The following BCAS3 variants were observed in gnomAD, a reference collection of about 807,000 sequenced individuals.
BCAS3 encodes the protein BCAS4/BCAS3 fusion.
In BCAS3, 53 loss-of-function variants were observed where a neutral mutation model predicts 116.1. The observed-to-expected ratio is 0.46, with a 90% CI of 0.37 to 0.57. BCAS3 has a LOEUF of 0.57. Ranked by LOEUF, BCAS3 falls within the 20% of genes least tolerant of loss-of-function variation. BCAS3 has a pLI of 0.00. For synonymous variants in BCAS3, 391 were observed against 408.2 expected, an observed-to-expected ratio of 0.96 and a Z score of 0.51; for missense variants, 917 against 1,165.4, an observed-to-expected ratio of 0.79 and a Z score of 3.10.
At chr17:61,042,891 C>CAAAAAAAAAAAAAAAAAAA (rs35629825) in intron 19 of BCAS3, among the ~76,000 whole-genome samples, 29 of 58,288 alleles carry the variant, frequency 5.0e-4, no homozygotes, top group African/African-American at 1.5e-3. Flanking sequence ...CTCCATCTCA[C>CAAAAAAAAAAAAAAAAAAA]AAAAAAAAAA....
chr17:61,203,849 C>T lies in BCAS3; in HGVS notation c.2425+119285C>T, dbSNP rs1156351626. 6.6e-6 allele frequency among the ~76,000 whole-genome samples: 1 copy of T among 152,142 alleles called. No individual in the cohort carries two copies. Among genetic ancestry groups the T allele is most frequent in the Admixed American group, 6.5e-5 (1 of 15,278 alleles). ...TCAGTTGGGACAGTCAGCACTGCCC[C>T]TGCCCCAGAGCTAATTAACTGCATT... On this transcript the variant is annotated intron_variant, in intron 22 of 23. Transcript: ENST00000407086. The surrounding 1 kb of genome is among the most constrained non-coding windows in gnomAD (Gnocchi z 5.7).
intron 21 of BCAS3, among the ~76,000 whole-genome samples, chr17:61,079,750 C>A (rs529128441): frequency 6.6e-6 from 1 of 151,960 alleles, no homozygotes; most frequent in Admixed American, 6.6e-5. Flanking sequence ...CGCCCGCCAC[C>A]AGACCCAGCT....
chr17:60,941,003 C>G (rs905458652), intron 13 of BCAS3, among the ~76,000 whole-genome samples: 1 of 152,162 alleles, frequency 6.6e-6, no homozygotes, highest in Admixed American at 6.5e-5. Context: ...GACTTATGTT[C>G]GTGTGAGGCC....
chr17:61,127,801 G>A (rs1356321901), intron 22 of BCAS3, among the ~76,000 whole-genome samples: 1 of 150,052 alleles, frequency 6.7e-6, no homozygotes, highest in Non-Finnish European at 1.5e-5. Flanking sequence ...TGTTTTTGGG[G>A]GAGTGGAATA....
At chr17:61,174,533 A>G (rs1234923631) in intron 22 of BCAS3, among the ~76,000 whole-genome samples, 2 of 152,166 alleles carry the variant, frequency 1.3e-5, no homozygotes, top group African/African-American at 4.8e-5. Context: ...CATTGTGCAT[A>G]TGTACCACAT....
rs66627370 is a variant in BCAS3 at position 61,333,625 on chromosome 17, CTTTT to C, written c.2426-34692_2426-34689del. 7.0e-6 allele frequency among the ~76,000 whole-genome samples: 1 copy of C among 142,538 alleles called. No homozygotes were observed. The highest frequency in any genetic ancestry group is 1.5e-5 in the Non-Finnish European group (1 of 65,376). 93.5% of individuals were successfully genotyped at this position (142,538 alleles called of 152,430 possible). ...AGTTCTTGAAACTTTCTTTTTTTTT[CTTTT>C]TTTTTTTTTGAGACAGAGTCTCGCT... is the stretch of plus-strand genomic sequence containing the variant. On this transcript the variant is annotated intron_variant, in intron 22 of 23. Coordinates refer to ENST00000407086, the MANE Select transcript of BCAS3 (RefSeq NM_017679.5). This position sits in a 1 kb window ranked among gnomAD's most constrained non-coding sequence, Gnocchi z 4.8.
Position 61,214,929 on chromosome 17 carries a change from A to G in BCAS3, c.2425+130365A>G, listed in dbSNP as rs755022633. Among the ~76,000 whole-genome samples, 47 of 152,170 alleles carry G rather than the reference A, an allele frequency of 3.1e-4. 1 individual carries two copies. The highest frequency in any genetic ancestry group is 8.5e-4 in the Admixed American group (13 of 15,284). ...TCACTGCAGAAAATTTACCACTTGC[A>G]TGTACTTACTGCATTGGTTTACCCT... On this transcript the variant is annotated intron_variant, in intron 22 of 23. Coordinates refer to ENST00000407086, the MANE Select transcript of BCAS3 (RefSeq NM_017679.5). The surrounding 1 kb of genome is among the most constrained non-coding windows in gnomAD (Gnocchi z 4.4).
rs1296249754 is a variant in BCAS3 at position 61,379,526 on chromosome 17, C to A, written c.2593+11032C>A. The A allele has an allele frequency of 1.3e-5, 2 of 152,176 alleles. No individual in the cohort carries two copies. Among genetic ancestry groups the A allele is most frequent in the Admixed American group, 6.5e-5 (1 of 15,288 alleles). 9.4% of individuals were successfully genotyped at this position (152,176 alleles called of 1,614,324 possible). A position where few individuals can be genotyped will look rare whatever the true frequency, so the allele number is the denominator to read the frequency against. On this transcript the variant is annotated intron_variant, in intron 23 of 23. Transcript: ENST00000407086. This position sits in a 1 kb window ranked among gnomAD's most constrained non-coding sequence, Gnocchi z 5.5. ...GAACTTAACGGAGAAGTGAAGTTCC[C>A]TAGTAGAAGAAGGCATTTTGGAGCC...
chr17:60,871,236 C>T (rs2055069552), intron 8 of BCAS3, among the ~76,000 whole-genome samples: 2 of 152,180 alleles, frequency 1.3e-5, no homozygotes, highest in Admixed American at 1.3e-4. Flanking sequence ...ACCATCACGG[C>T]TCACTGCATC....
At chr17:60,845,785 CTT>C (rs199827244) in intron 7 of BCAS3, among the ~76,000 whole-genome samples, 2,505 of 144,834 alleles carry the variant, frequency 0.017, 63 homozygotes, top group East Asian at 0.091. Flanking sequence ...TTTCTTTTTC[CTT>C]TTTTTTTTTT....
At chr17:60,747,646 T>G (rs1447766835) in intron 6 of BCAS3, among the ~76,000 whole-genome samples, 2 of 152,148 alleles carry the variant, frequency 1.3e-5, no homozygotes, top group Non-Finnish European at 2.9e-5. Flanking sequence ...GTTTCTGGCT[T>G]AGCTTTCTTC....
intron 21 of BCAS3, among the ~76,000 whole-genome samples, chr17:61,081,429 C>T (rs564924808): frequency 6.6e-6 from 1 of 152,230 alleles, no homozygotes; most frequent in South Asian, 2.1e-4. Context: ...GAATTTTCCT[C>T]GCAGACTTTC....
At chr17:61,035,582 CAAAAAAA>C in intron 17 of BCAS3, among the ~76,000 whole-genome samples, 1 of 65,310 alleles carries the variant, frequency 1.5e-5, no homozygotes, top group Non-Finnish European at 3.3e-5. Flanking sequence ...GACTCCATCT[CAAAAAAA>C]AAAAAAAAAA....
At chr17:60,794,043 T>C (rs888895196) in intron 6 of BCAS3, among the ~76,000 whole-genome samples, 32 of 152,318 alleles carry the variant, frequency 2.1e-4, no homozygotes, top group African/African-American at 7.7e-4. Context: ...AAGTGTTCCC[T>C]GATCGCCGCA....
rs1443179506 is a variant in BCAS3 at position 61,261,480 on chromosome 17, T to C, written c.2426-106847T>C. On this transcript the variant is annotated intron_variant, in intron 22 of 23. Transcript: ENST00000407086. This position sits in a 1 kb window ranked among gnomAD's most constrained non-coding sequence, Gnocchi z 4.4. ...TTTCCAGATTGTGTGGGCCACACTGTAGCATTTTGTCCACATCTGTTTTCC... is the reference window on the plus strand; with the variant it reads ...TTTCCAGATTGTGTGGGCCACACTGCAGCATTTTGTCCACATCTGTTTTCC... Among the ~76,000 whole-genome samples, 2 of 152,254 alleles carry C rather than the reference T, an allele frequency of 1.3e-5. No individual in the cohort carries two copies. The highest frequency in any genetic ancestry group is 3.8e-4 in the East Asian group (2 of 5,200).
chr17:60,825,882 A>G lies in BCAS3; in HGVS notation c.476+17806A>G, dbSNP rs2050375006. On this transcript the variant is annotated intron_variant, in intron 7 of 23. Transcript: ENST00000407086. ...GTTTTTTTTTTTTTTTTTTGAGACG[A>G]AGTCTCGCACCGTCACCCAGGCTGG... 9.0e-5 allele frequency among the ~76,000 whole-genome samples: 13 copies of G among 144,002 alleles called. No individual in the cohort carries two copies. The South Asian group carries it at 2.4e-3, about 26-fold the overall frequency. 94.5% of individuals were successfully genotyped at this position (144,002 alleles called of 152,430 possible).
At chr17:61,074,202 C>T (rs2071729013) in intron 19 of BCAS3, among the ~76,000 whole-genome samples, 1 of 148,488 alleles carries the variant, frequency 6.7e-6, no homozygotes, top group South Asian at 2.1e-4. Flanking sequence ...CTCAACTTTG[C>T]TGTGAACCTA....
At position 61,051,717 on chromosome 17, in the gene BCAS3, C is replaced by T. The variant is rs113537956; in HGVS notation, c.2029+10825C>T. On this transcript the variant is annotated intron_variant, in intron 19 of 23. Transcript: ENST00000407086. The surrounding 1 kb of genome is among the most constrained non-coding windows in gnomAD (Gnocchi z 4.1). ...AACTTGAGTGATCCTCCTGCCTCAG[C>T]CTCCTGAGTACCTGGGACTATAGGC... 2.6e-5 allele frequency among the ~76,000 whole-genome samples: 4 copies of T among 152,136 alleles called. No individual in the cohort carries two copies. The highest frequency in any genetic ancestry group is 9.7e-5 in the African/African-American group (4 of 41,430).
intron 6 of BCAS3, among the ~76,000 whole-genome samples, chr17:60,775,606 A>G (rs1177402114): frequency 6.6e-6 from 1 of 151,238 alleles, no homozygotes; most frequent in Non-Finnish European, 1.5e-5. Flanking sequence ...TTTGTAGAAC[A>G]TGGAAATAAT....
Sources: gnomAD v4.1 joint callset for allele counts (sites outside exome capture counted in the v4.1 genomes callset) on GRCh38, gnomAD v4.1.1 for gene constraint, Gnocchi (gnomAD v3.1) non-coding constraint, MANE v1.5 for transcripts, NCBI Gene and HGNC (gene_info 2026-07-23, HGNC 2026-07-21) for gene names.